FRMD5: variants seen among roughly 807,000 people sequenced by gnomAD.
The protein encoded by FRMD5 is FERM domain-containing protein 5.
Under a neutral mutation model 69.0 loss-of-function variants are expected in FRMD5, and 20 were observed. That is an observed-to-expected ratio of 0.29 (90% CI 0.20 to 0.42). The LOEUF is 0.42. Among genes scored for constraint, FRMD5 ranks in the 10% least tolerant of loss-of-function variants. The probability of loss-of-function intolerance (pLI) is 1.00; values close to 1 mark genes in which losing one functional copy is unlikely to be tolerated. For synonymous variants in FRMD5, 271 were observed against 260.1 expected (o/e 1.04, Z -0.40); for missense variants, 595 against 708.6 (o/e 0.84, Z 1.82).
chr15:43,903,277 G>A (rs553279970), intron 6 of FRMD5, among the ~76,000 whole-genome samples: 1 of 152,330 alleles, frequency 6.6e-6, no homozygotes, highest in African/African-American at 2.4e-5. Flanking sequence ...GATGGCTGGT[G>A]GACAGGACTG....
rs376055228 is a variant in FRMD5, at chr15:44,081,995, C to G, written c.102+112958G>C. 5.9e-5 allele frequency among the ~76,000 whole-genome samples: 9 copies of G among 152,076 alleles called. No homozygotes were observed. The East Asian group carries it at 1.7e-3, about 29-fold the overall frequency. On this transcript the variant is annotated intron_variant, in intron 1 of 13. Coordinates refer to ENST00000417257, the MANE Select transcript of FRMD5 (RefSeq NM_032892.5). ...AATGGCAATTGGCTGTGAAATTATT[C>G]TGAGACCTGCTTTTCCCAAAAATTC...
intron 1 of FRMD5, among the ~76,000 whole-genome samples, chr15:44,041,291 G>A (rs1024437923): frequency 1.3e-5 from 2 of 152,084 alleles, no homozygotes; most frequent in Admixed American, 6.6e-5. Context: ...AGAGATCAAC[G>A]AGACAGAAAA....
intron 7 of FRMD5, among the ~76,000 whole-genome samples, chr15:43,897,412 G>A (rs1044817007): frequency 7.3e-5 from 11 of 150,144 alleles, no homozygotes; most frequent in African/African-American, 2.0e-4. Flanking sequence ...ACTTGAACCC[G>A]GGAGGCAGAG....
intron 1 of FRMD5, among the ~76,000 whole-genome samples, chr15:44,042,491 GC>G (rs1892242709): frequency 6.6e-6 from 1 of 152,052 alleles, no homozygotes. Context: ...AAAATTTTAG[GC>G]CAATATCCCT....
chr15:44,140,010 A>G (rs944433669), intron 1 of FRMD5, among the ~76,000 whole-genome samples: 1 of 151,912 alleles, frequency 6.6e-6, no homozygotes, highest in East Asian at 1.9e-4. Context: ...ATATACATAT[A>G]TACACATAAA....
At chr15:44,069,486 AT>A (rs1256351151) in intron 1 of FRMD5, among the ~76,000 whole-genome samples, 1 of 151,496 alleles carries the variant, frequency 6.6e-6, no homozygotes, top group African/African-American at 2.4e-5. Flanking sequence ...CTACTCAGCA[AT>A]AAAAAAAAAA....
intron 1 of FRMD5, among the ~76,000 whole-genome samples, chr15:44,094,817 T>C (rs577309882): frequency 3.9e-5 from 6 of 152,262 alleles, no homozygotes; most frequent in African/African-American, 1.4e-4. Context: ...TTTCATCTCT[T>C]TAATCAGACC....
chr15:44,133,287 A>G (rs1341272646), intron 1 of FRMD5, among the ~76,000 whole-genome samples: 1 of 151,978 alleles, frequency 6.6e-6, no homozygotes, highest in Non-Finnish European at 1.5e-5. Flanking sequence ...ACTATAAAAA[A>G]CTGAAAAGGC....
At chr15:44,157,481 T>C (rs1369496397) in intron 1 of FRMD5, among the ~76,000 whole-genome samples, 1 of 152,192 alleles carries the variant, frequency 6.6e-6, no homozygotes, top group Non-Finnish European at 1.5e-5. Context: ...GGTAGTAGTA[T>C]TCACATAATA....
chr15:44,153,768 A>G (rs1255085517), intron 1 of FRMD5, among the ~76,000 whole-genome samples: 1 of 152,224 alleles, frequency 6.6e-6, no homozygotes, highest in Non-Finnish European at 1.5e-5. Context: ...CAGGAGTTCA[A>G]GACCAGCCTG....
chr15:44,051,015 T>C (rs1019182180), intron 1 of FRMD5, among the ~76,000 whole-genome samples: 1 of 151,904 alleles, frequency 6.6e-6, no homozygotes, highest in Admixed American at 6.6e-5. Flanking sequence ...AAATGGGCAA[T>C]ACATAAACCT....
rs759014211 is a variant in FRMD5, at chr15:43,874,207, G to A, written c.1391C>T (p.Ala464Val). Reference sequence around the variant, plus strand: ...CACCTCTGTAGCAGTTGGGGTGCTGGCTTCAGATTCCTTCTCCTCCTCAAT... The same window carrying A: ...CACCTCTGTAGCAGTTGGGGTGCTGACTTCAGATTCCTTCTCCTCCTCAAT... Reference protein sequence around the residue: ...CSIEEEKESEASTPTATEVEA... With the variant: ...CSIEEEKESEVSTPTATEVEA... Residue 464 changes from alanine (A) to valine (V), a missense_variant, in exon 14 of 14, where the codon GCC (alanine) becomes GTC (valine). Coordinates refer to ENST00000417257, the MANE Select transcript of FRMD5 (RefSeq NM_032892.5). 8.7e-6 allele frequency: 14 copies of A among 1,614,088 alleles called. No homozygotes were observed. The highest frequency in any genetic ancestry group is 5.0e-5 in the Admixed American group (3 of 60,010).
At chr15:44,121,720 G>A (rs1221022869) in intron 1 of FRMD5, among the ~76,000 whole-genome samples, 1 of 151,836 alleles carries the variant, frequency 6.6e-6, no homozygotes, top group Admixed American at 6.6e-5. Flanking sequence ...TTCAGGCTGG[G>A]GCAGTGGCTC....
chr15:43,962,637 A>G (rs957400763), intron 1 of FRMD5, among the ~76,000 whole-genome samples: 14 of 152,282 alleles, frequency 9.2e-5, no homozygotes, highest in African/African-American at 2.6e-4. Context: ...GAGGCATCAC[A>G]CTACCTGACT....
At chr15:43,875,958 T>C in intron 13 of FRMD5, 1 of 1,377,466 alleles carries the variant, frequency 7.3e-7, no homozygotes, top group Non-Finnish European at 1.0e-6. Context: ...AAATGCTGCT[T>C]CTTGAAATGG....
chr15:43,906,757 T>G (rs687024), intron 5 of FRMD5, among the ~76,000 whole-genome samples: 3 of 131,976 alleles, frequency 2.3e-5, no homozygotes, highest in African/African-American at 7.7e-5. Context: ...GCCTGCCACC[T>G]CGCCCGGCTG....
rs535946119 is a variant in FRMD5, at chr15:43,904,264, T to C, written c.551+1564A>G. Among the ~76,000 whole-genome samples, 6 of 152,356 alleles carry C rather than the reference T, an allele frequency of 3.9e-5. No homozygotes were observed. In the South Asian group the frequency reaches 1.2e-3, roughly 32 times the overall value. The stretch of plus-strand genomic sequence containing the variant: ...TATTAGCATTAGAAATATCCAGCTC[T>C]GCTCCCTGTTGCCAGGCATAGTCTT... On this transcript the variant is annotated intron_variant, in intron 6 of 13. Coordinates refer to ENST00000417257, the MANE Select transcript of FRMD5 (RefSeq NM_032892.5).
chr15:44,111,256 T>C (rs2076791360), intron 1 of FRMD5, among the ~76,000 whole-genome samples: 1 of 152,228 alleles, frequency 6.6e-6, no homozygotes, highest in African/African-American at 2.4e-5. Context: ...CCAGATTCAA[T>C]GCTTAGCTAA....
At chr15:43,876,883 G>A (rs956579606) in intron 13 of FRMD5, among the ~76,000 whole-genome samples, 4 of 152,108 alleles carry the variant, frequency 2.6e-5, no homozygotes, top group Non-Finnish European at 5.9e-5. Flanking sequence ...TGCGGGGGTG[G>A]ATTTCTCTTA....
Sources: allele counts gnomAD v4.1 joint callset (sites outside exome capture counted in the v4.1 genomes callset), GRCh38; gene constraint gnomAD v4.1.1; transcripts MANE v1.5; gene names NCBI Gene and HGNC (gene_info 2026-07-23, HGNC 2026-07-21).